ADAMTSL1: variants seen among roughly 807,000 people sequenced by gnomAD.
The protein encoded by ADAMTSL1 is ADAMTS like 1.
Under a neutral mutation model 201.8 loss-of-function variants are expected in ADAMTSL1, and 126 were observed. The observed-to-expected ratio is 0.62, with a 90% CI of 0.54 to 0.72. ADAMTSL1 has a LOEUF of 0.72. Among genes scored for constraint, ADAMTSL1 ranks in the 30% least tolerant of loss-of-function variants. ADAMTSL1 has a pLI of 0.00. For missense variants in ADAMTSL1, 2,679 were observed against 2,277.8 expected, an observed-to-expected ratio of 1.18 and a Z score of -3.59; for synonymous variants, 1,121 against 903.4, an observed-to-expected ratio of 1.24 and a Z score of -4.32.
At chr9:18,028,869 G>A (rs1274940903) in intron 1 of ADAMTSL1, among the ~76,000 whole-genome samples, 8 of 152,200 alleles carry the variant, frequency 5.3e-5, no homozygotes, top group East Asian at 1.9e-4. Flanking sequence ...CCATTTTCAC[G>A]ATATTGATTC....
intron 1 of ADAMTSL1, among the ~76,000 whole-genome samples, chr9:18,131,102 C>CT (rs1473316888): frequency 3.4e-4 from 52 of 152,244 alleles, no homozygotes; most frequent in African/African-American, 1.2e-3. Context: ...GAGAAAGGCC[C>CT]CATTTGGTTC....
At chr9:18,906,938 C>T in intron 28 of ADAMTSL1, 26 bp downstream of exon 28, 6 of 1,612,864 alleles carry the variant, frequency 3.7e-6, no homozygotes, top group Non-Finnish European at 5.1e-6. Flanking sequence ...AAAGAACCTT[C>T]TGCAAATTCC....
In ADAMTSL1 at chr9:18,776,998, C is replaced by A. The variant is rs1205847648; in HGVS notation, c.2769C>A (p.His923Gln). 2.5e-6 allele frequency: 4 copies of A among 1,602,492 alleles called. No individual in the cohort carries two copies. Among genetic ancestry groups the A allele is most frequent in the Non-Finnish European group, 3.4e-6 (4 of 1,172,706 alleles). The change falls in exon 19 of 29, where the codon CAC (histidine) becomes CAA (glutamine). Residue 923 changes from histidine (H) to glutamine (Q), a missense_variant. His to Gln is a conservative substitution (Grantham distance 24). Transcript: ENST00000380548. ...KDGQHLISST[H>Q]VTVAPFGYLK... is the part of the protein sequence containing the mutation. ...GCCAGCACCTCATCAGCTCGACGCA[C>A]GTCACGGTGGCCCCCTTCGGCTATC...
At chr9:18,794,402 C>A (rs1410104655) in intron 19 of ADAMTSL1, among the ~76,000 whole-genome samples, 2 of 101,564 alleles carry the variant, frequency 2.0e-5, no homozygotes, top group East Asian at 7.7e-4. Flanking sequence ...AAGACCCTGT[C>A]TCAAAAAAAA....
At chr9:18,117,285 G>C (rs913631790) in intron 1 of ADAMTSL1, among the ~76,000 whole-genome samples, 1 of 152,080 alleles carries the variant, frequency 6.6e-6, no homozygotes, top group Non-Finnish European at 1.5e-5. Flanking sequence ...TCAGAGTTAA[G>C]GTCGTAGTCT....
At chr9:18,726,674 T>G (rs1015909612) in intron 15 of ADAMTSL1, among the ~76,000 whole-genome samples, 1 of 152,200 alleles carries the variant, frequency 6.6e-6, no homozygotes, top group East Asian at 1.9e-4. Context: ...TGAAAAGATT[T>G]GGTAAACGTA....
chr9:18,409,818 T>A (rs984151374), intron 2 of ADAMTSL1, among the ~76,000 whole-genome samples: 5 of 150,100 alleles, frequency 3.3e-5, no homozygotes, highest in African/African-American at 1.2e-4. Flanking sequence ...TTTATATATA[T>A]AATGAAAATT....
intron 1 of ADAMTSL1, among the ~76,000 whole-genome samples, chr9:17,960,205 A>G (rs1165203823): frequency 2.0e-5 from 3 of 152,174 alleles, no homozygotes; most frequent in Admixed American, 2.0e-4. Context: ...TTCAGTAAGA[A>G]GGGACAAAGT....
intron 2 of ADAMTSL1, among the ~76,000 whole-genome samples, chr9:18,180,464 C>T (rs1401690294): frequency 2.1e-4 from 29 of 140,190 alleles, no homozygotes; most frequent in South Asian, 9.2e-4. Context: ...ACCCGGGAGG[C>T]GGAGCTTGCA....
intron 1 of ADAMTSL1, among the ~76,000 whole-genome samples, chr9:17,939,653 G>T (rs1827154049): frequency 6.6e-6 from 1 of 151,986 alleles, no homozygotes; most frequent in Non-Finnish European, 1.5e-5. Flanking sequence ...TTTTCAGCTG[G>T]ATTTTGATGT....
chr9:18,701,034 C>G (rs1368217697), intron 13 of ADAMTSL1, among the ~76,000 whole-genome samples: 1 of 152,176 alleles, frequency 6.6e-6, no homozygotes, highest in Admixed American at 6.5e-5. Flanking sequence ...CAACAATCAA[C>G]TGCATTCCAC....
chr9:18,788,742 TATAA>T (rs2133812113), intron 19 of ADAMTSL1, among the ~76,000 whole-genome samples: 1 of 152,364 alleles, frequency 6.6e-6, no homozygotes, highest in South Asian at 2.1e-4. Context: ...CATCTGGTCC[TATAA>T]ATAGGAATTT....
rs147155838 is a variant in ADAMTSL1 at position 18,825,746 on chromosome 9, T to G, written c.3935-538T>G. On this transcript the variant is annotated intron_variant, in intron 21 of 28. Transcript: ENST00000380548. ...CCTCCCCATTCATTCCACTGACTAC[T>G]AACAGCATAGATTAATGTTACCAGG... Among the ~76,000 whole-genome samples, 247 of 150,008 alleles carry G rather than the reference T, an allele frequency of 1.6e-3. 1 individual carries two copies. Among genetic ancestry groups the G allele is most frequent in the Middle Eastern group, 0.011 (3 of 284 alleles).
chr9:18,077,939 C>G (rs911031819), intron 1 of ADAMTSL1, among the ~76,000 whole-genome samples: 1 of 152,082 alleles, frequency 6.6e-6, no homozygotes, highest in Non-Finnish European at 1.5e-5. Flanking sequence ...TCAAGGCATC[C>G]CCATCTTGGC....
chr9:18,553,396 C>G (rs560123728), intron 3 of ADAMTSL1, among the ~76,000 whole-genome samples: 1 of 151,744 alleles, frequency 6.6e-6, no homozygotes, highest in East Asian at 1.9e-4. Flanking sequence ...GATTAACCCC[C>G]TCAGATTTAT....
intron 1 of ADAMTSL1, among the ~76,000 whole-genome samples, chr9:18,500,020 A>G (rs186170094): frequency 0.021 from 3,147 of 152,092 alleles, 107 homozygotes; most frequent in African/African-American, 0.071. Context: ...GCTTCATCTT[A>G]CATCTTTCAT....
chr9:18,111,982 A>G (rs1479016177), intron 1 of ADAMTSL1, among the ~76,000 whole-genome samples: 1 of 152,204 alleles, frequency 6.6e-6, no homozygotes, highest in African/African-American at 2.4e-5. Context: ...CAGTTTCCCA[A>G]CAGGAGTCCC....
At chr9:18,047,433 A>G (rs1221247714) in intron 1 of ADAMTSL1, among the ~76,000 whole-genome samples, 2 of 152,158 alleles carry the variant, frequency 1.3e-5, no homozygotes, top group African/African-American at 2.4e-5. Context: ...CCTCTATAAC[A>G]AAAAAGTATG....
In ADAMTSL1 at chr9:18,908,571, C is replaced by T; in HGVS notation, c.*23C>T. On this transcript the variant is annotated 3_prime_UTR_variant, in exon 29 of 29. Coordinates refer to ENST00000380548, the MANE Select transcript of ADAMTSL1 (RefSeq NM_001040272.6). ...TGAAGATAGGGTGTGGGGAAAAACT[C>T]TACCCTGGCCACACGAAGGACTCAC... The T allele has an allele frequency of 1.3e-6, 2 of 1,537,520 alleles. No individual in the cohort carries two copies. Among genetic ancestry groups the T allele is most frequent in the Non-Finnish European group, 1.8e-6 (2 of 1,134,590 alleles).
Sources: gnomAD v4.1 joint callset for allele counts (sites outside exome capture counted in the v4.1 genomes callset) on GRCh38, gnomAD v4.1.1 for gene constraint, MANE v1.5 for transcripts, NCBI Gene and HGNC (gene_info 2026-07-23, HGNC 2026-07-21) for gene names.